The following MDFIC2 variants were observed in gnomAD, a reference collection of about 807,000 sequenced individuals.
MDFIC2 encodes the protein myoD family inhibitor domain-containing protein 2.
At chr3:70,237,626 T>C (rs999041344) in intron 2 of MDFIC2, among the ~76,000 whole-genome samples, 2 of 152,208 alleles carry the variant, frequency 1.3e-5, no homozygotes, top group African/African-American at 4.8e-5. Flanking sequence ...GTCCTACATA[T>C]AGTAAACTTG....
chr3:70,229,288 CA>C (rs1701537099), intron 2 of MDFIC2, among the ~76,000 whole-genome samples: 1 of 152,136 alleles, frequency 6.6e-6, no homozygotes, highest in Non-Finnish European at 1.5e-5. Flanking sequence ...ATTTAGTGGG[CA>C]ACCATGTCAG....
At chr3:70,228,103 G>A (rs1417455656) in intron 2 of MDFIC2, among the ~76,000 whole-genome samples, 3 of 151,878 alleles carry the variant, frequency 2.0e-5, no homozygotes, top group South Asian at 2.1e-4. Flanking sequence ...AAAATAACAT[G>A]TACTAAATAG....
intron 2 of MDFIC2, among the ~76,000 whole-genome samples, chr3:70,263,198 A>G (rs1488378335): frequency 6.6e-6 from 1 of 152,088 alleles, no homozygotes; most frequent in African/African-American, 2.4e-5. Flanking sequence ...CCTTCTGGTT[A>G]TGGATCATAT....
intron 2 of MDFIC2, among the ~76,000 whole-genome samples, chr3:70,300,631 C>T (rs553717261): frequency 6.6e-6 from 1 of 151,992 alleles, no homozygotes; most frequent in East Asian, 1.9e-4. Context: ...ATAAAAAGAA[C>T]TAGTTATTTC....
rs375905925 is a variant in MDFIC2, at chr3:70,251,872, CTTG to C, written c.89-45085_89-45083del. On this transcript the variant is annotated intron_variant, in intron 2 of 3. Coordinates refer to ENST00000567252, the MANE Select transcript of MDFIC2 (RefSeq NM_001364677.1). The stretch of plus-strand genomic sequence containing the variant: ...TAGATAAGCAAGAAAGAAATAAATG[CTTG>C]TTGTTATTTGCCATTGAAATTTGGG... Among the ~76,000 whole-genome samples, 789 of 152,252 alleles carry C rather than the reference CTTG, an allele frequency of 5.2e-3. 8 individuals are homozygous for C. The highest frequency in any genetic ancestry group is 0.018 in the African/African-American group (761 of 41,540).
intron 2 of MDFIC2, among the ~76,000 whole-genome samples, chr3:70,250,119 G>A (rs922151497): frequency 5.3e-5 from 8 of 152,028 alleles, no homozygotes; most frequent in African/African-American, 1.7e-4. Context: ...TTAAGCCAGG[G>A]GATTTTTTAG....
At chr3:70,277,897 A>G (rs1373165501) in intron 2 of MDFIC2, among the ~76,000 whole-genome samples, 1 of 152,158 alleles carries the variant, frequency 6.6e-6, no homozygotes, top group Admixed American at 6.6e-5. Context: ...TCAGAGGAAG[A>G]TGATTGAGAC....
At chr3:70,219,663 T>C (rs952800620) in intron 2 of MDFIC2, among the ~76,000 whole-genome samples, 1 of 152,114 alleles carries the variant, frequency 6.6e-6, no homozygotes, top group African/African-American at 2.4e-5. Flanking sequence ...GAATTCAAAA[T>C]TGAAATGACA....
intron 2 of MDFIC2, among the ~76,000 whole-genome samples, chr3:70,228,735 A>G (rs1385632487): frequency 6.7e-6 from 1 of 149,814 alleles, no homozygotes; most frequent in Non-Finnish European, 1.5e-5. Flanking sequence ...TAATTTTTTC[A>G]TGAATCTTTT....
At chr3:70,209,649 CA>C (rs1701324164) in intron 2 of MDFIC2, among the ~76,000 whole-genome samples, 1 of 152,032 alleles carries the variant, frequency 6.6e-6, no homozygotes. Context: ...TGGTAGATTC[CA>C]AAAGCTTTGT....
chr3:70,196,431 AATTTTTAATT>A lies in MDFIC2; in HGVS notation c.*485_*494del, dbSNP rs1395933840. Among the ~76,000 whole-genome samples the A allele has an allele frequency of 3.9e-5, 6 of 152,194 alleles. No homozygotes were observed. Among genetic ancestry groups the A allele is most frequent in the Non-Finnish European group, 8.8e-5 (6 of 68,028 alleles). ...TGAATTTTAAGAGACTGTATAAATA[AATTTTTAATT>A]ACAAAATGATGTTATACAATACATT... On this transcript the variant is annotated 3_prime_UTR_variant, in exon 4 of 4. Transcript: ENST00000567252.
chr3:70,292,453 A>G (rs1702247567), intron 2 of MDFIC2, among the ~76,000 whole-genome samples: 1 of 152,166 alleles, frequency 6.6e-6, no homozygotes, highest in African/African-American at 2.4e-5. Flanking sequence ...CACTAGTAAT[A>G]CTAGCAAAGG....
chr3:70,243,021 A>T (rs900695579), intron 2 of MDFIC2, among the ~76,000 whole-genome samples: 1 of 152,162 alleles, frequency 6.6e-6, no homozygotes, highest in East Asian at 1.9e-4. Context: ...GTTTTGTGAC[A>T]TGGGTTTTTA....
intron 2 of MDFIC2, among the ~76,000 whole-genome samples, chr3:70,288,587 G>T (rs9824094): frequency 0.05 from 7,346 of 147,824 alleles, 501 homozygotes; most frequent in East Asian, 0.34. Context: ...ACTTGCTGCA[G>T]AGCTGAGTTC....
At chr3:70,278,690 G>A (rs1431657304) in intron 2 of MDFIC2, among the ~76,000 whole-genome samples, 1 of 152,076 alleles carries the variant, frequency 6.6e-6, no homozygotes, top group Non-Finnish European at 1.5e-5. Context: ...ATATGCTAGG[G>A]CATATCCAAC....
At chr3:70,285,446 C>T (rs979082404) in intron 2 of MDFIC2, among the ~76,000 whole-genome samples, 3 of 151,962 alleles carry the variant, frequency 2.0e-5, no homozygotes, top group Admixed American at 6.6e-5. Flanking sequence ...TTTTCTTAAT[C>T]CAGTCTATCA....
At chr3:70,277,861 C>T (rs77523646) in intron 2 of MDFIC2, among the ~76,000 whole-genome samples, 1 of 152,238 alleles carries the variant, frequency 6.6e-6, no homozygotes, top group East Asian at 1.9e-4. Context: ...CAAGACAGAT[C>T]TGATTAAGGT....
chr3:70,276,444 C>A (rs1397557821), intron 2 of MDFIC2, among the ~76,000 whole-genome samples: 1 of 152,054 alleles, frequency 6.6e-6, no homozygotes, highest in African/African-American at 2.4e-5. Context: ...TTTGCATATG[C>A]CTCTCATTAT....
intron 2 of MDFIC2, among the ~76,000 whole-genome samples, chr3:70,274,215 A>G (rs1702000954): frequency 6.6e-6 from 1 of 151,856 alleles, no homozygotes; most frequent in East Asian, 1.9e-4. Flanking sequence ...TTTGTAGAGA[A>G]AGACAATTGA....
Sources: gnomAD v4.1 joint callset for allele counts (sites outside exome capture counted in the v4.1 genomes callset) on GRCh38, gnomAD v4.1.1 for gene constraint, MANE v1.5 for transcripts, NCBI Gene and HGNC (gene_info 2026-07-23, HGNC 2026-07-21) for gene names.